HTR2C: variants seen among roughly 807,000 people sequenced by gnomAD.
The protein encoded by HTR2C is 5-hydroxytryptamine receptor 2C, also known as 5-hydroxytryptamine (serotonin) receptor 2C, G protein-coupled.
Under a neutral mutation model 21.0 loss-of-function variants are expected in HTR2C, and 5 were observed. The observed-to-expected ratio is 0.24, with a 90% CI of 0.12 to 0.50. The LOEUF (loss-of-function observed/expected upper bound fraction) is 0.50, where lower values mean the gene tolerates loss of function less well. Among genes scored for constraint, HTR2C ranks in the 20% least tolerant of loss-of-function variants. The pLI is 0.98. For missense variants in HTR2C, 271 were observed against 371.2 expected (o/e 0.73, Z 2.22); for synonymous variants, 150 against 145.3 (o/e 1.03, Z -0.23).
At chrX:114,718,699 A>G (rs1395631964) in intron 2 of HTR2C, among the ~76,000 whole-genome samples, 1 of 109,848 alleles carries the variant, frequency 9.1e-6, no homozygotes, top group Non-Finnish European at 1.9e-5. Context: ...GAAAGGATTG[A>G]GAGATTGGTC....
intron 2 of HTR2C, among the ~76,000 whole-genome samples, chrX:114,718,924 TTA>T (rs1191449664): frequency 4.5e-4 from 46 of 101,428 alleles, no homozygotes; most frequent in African/African-American, 9.6e-4. Flanking sequence ...TTTTATATAA[TTA>T]TATATATAAT....
intron 2 of HTR2C, among the ~76,000 whole-genome samples, chrX:114,650,997 T>G (rs944225162): frequency 1.8e-5 from 2 of 111,887 alleles, no homozygotes; most frequent in Non-Finnish European, 3.8e-5. Flanking sequence ...TTATATTTGC[T>G]CACTTCTTGC....
intron 2 of HTR2C, among the ~76,000 whole-genome samples, chrX:114,725,333 C>T (rs2147338567): frequency 8.9e-6 from 1 of 111,995 alleles, no homozygotes; most frequent in South Asian, 3.7e-4. Flanking sequence ...CTGCATTCTT[C>T]ACGTAGTTCT....
At chrX:114,836,595 G>A (rs1177725088) in intron 4 of HTR2C, among the ~76,000 whole-genome samples, 7 of 111,667 alleles carry the variant, frequency 6.3e-5, no homozygotes, top group Non-Finnish European at 1.1e-4. Context: ...ACTGACCTGC[G>A]CCCACTGTCT....
At chrX:114,753,004 A>G (rs1461646850) in intron 4 of HTR2C, among the ~76,000 whole-genome samples, 4 of 111,370 alleles carry the variant, frequency 3.6e-5, no homozygotes, top group African/African-American at 6.5e-5. Context: ...AAATACCCTT[A>G]TAAATAATTT....
intron 5 of HTR2C, among the ~76,000 whole-genome samples, chrX:114,905,622 A>G (rs1310451750): frequency 3.6e-5 from 4 of 111,714 alleles, no homozygotes. Flanking sequence ...AACCCCACAA[A>G]TACAATCTGA....
At chrX:114,772,230 A>G (rs1477253977) in intron 4 of HTR2C, among the ~76,000 whole-genome samples, 4 of 112,343 alleles carry the variant, frequency 3.6e-5, no homozygotes, top group Non-Finnish European at 7.5e-5. Context: ...TTCTGTTCTC[A>G]TAAGTACTTC....
intron 4 of HTR2C, among the ~76,000 whole-genome samples, chrX:114,747,852 A>C (rs2069721185): frequency 8.9e-6 from 1 of 112,336 alleles, no homozygotes; most frequent in African/African-American, 3.2e-5. Context: ...TGAACATAGA[A>C]GTGGATTTTT....
chrX:114,641,031 C>CCTTT (rs78437727), intron 2 of HTR2C, among the ~76,000 whole-genome samples: 13 of 84,095 alleles, frequency 1.5e-4, no homozygotes, highest in Middle Eastern at 5.9e-3. Flanking sequence ...TTTCTTTCTT[C>CCTTT]CTTTCTTTCT....
At position 114,776,335 on chromosome X, in the gene HTR2C, T is replaced by C. The variant is rs1190083162; in HGVS notation, c.349+44728T>C. ...GATGCTGAGAGTTATTAAAGTAAGC[T>C]GGCACTGTGACCACAGCATTGGTAA... On this transcript the variant is annotated intron_variant, in intron 4 of 5. Coordinates refer to ENST00000276198, the MANE Select transcript of HTR2C (RefSeq NM_000868.4). 4 of 717,591 alleles carry C rather than the reference T, an allele frequency of 5.6e-6. No homozygotes were observed. The African/African-American group carries it at 8.4e-5, about 15-fold the overall frequency. The allele number at this position is 717,591 out of a possible 1,213,427, so 59.1% of individuals were successfully genotyped here.
chrX:114,858,635 A>G (rs1480192770), intron 5 of HTR2C, among the ~76,000 whole-genome samples: 2 of 111,708 alleles, frequency 1.8e-5, no homozygotes, highest in African/African-American at 6.5e-5. Flanking sequence ...CTTGTGAATG[A>G]CGACAGATGT....
intron 2 of HTR2C, among the ~76,000 whole-genome samples, chrX:114,677,433 T>G (rs1556412933): frequency 9.0e-6 from 1 of 111,187 alleles, no homozygotes; most frequent in East Asian, 2.8e-4. Context: ...ATTAGTTTTT[T>G]TTTTCTTCTT....
chrX:114,699,909 C>T (rs782090949), intron 2 of HTR2C, among the ~76,000 whole-genome samples: 1 of 112,145 alleles, frequency 8.9e-6, no homozygotes, highest in Admixed American at 9.5e-5. Context: ...TACTCATTAA[C>T]ATCAAAAGTT....
intron 2 of HTR2C, among the ~76,000 whole-genome samples, chrX:114,648,275 T>C (rs1398029074): frequency 9.0e-6 from 1 of 111,495 alleles, no homozygotes; most frequent in African/African-American, 3.3e-5. Context: ...GAAGATCTTA[T>C]GACTTGCTTC....
At chrX:114,728,032 AATT>A (rs1406582798) in intron 3 of HTR2C, among the ~76,000 whole-genome samples, 29 of 112,279 alleles carry the variant, frequency 2.6e-4, no homozygotes, top group South Asian at 7.3e-4. Flanking sequence ...AAGGGCACCA[AATT>A]ATTCTGCTAT....
At chrX:114,677,502 G>A (rs1245563136) in intron 2 of HTR2C, among the ~76,000 whole-genome samples, 2 of 110,484 alleles carry the variant, frequency 1.8e-5, no homozygotes, top group Non-Finnish European at 3.8e-5. Context: ...AAATGATGAA[G>A]CACTTACTAG....
At chrX:114,679,192 T>C (rs1218031613) in intron 2 of HTR2C, among the ~76,000 whole-genome samples, 1 of 111,672 alleles carries the variant, frequency 9.0e-6, no homozygotes, top group Non-Finnish European at 1.9e-5. Context: ...GGGGTTGTTA[T>C]ATACTTTGCT....
chrX:114,776,785 C>T (rs1420223500), intron 4 of HTR2C: 9 of 306,251 alleles, frequency 2.9e-5, no homozygotes, highest in Middle Eastern at 5.0e-4. Context: ...TGGTTGCTGG[C>T]GTGTAGGGCC....
chrX:114,707,648 C>A (rs1408362527), intron 2 of HTR2C, among the ~76,000 whole-genome samples: 1 of 110,715 alleles, frequency 9.0e-6, no homozygotes, highest in Non-Finnish European at 1.9e-5. Flanking sequence ...GAACCTGCAA[C>A]TATTTCTTCA....
Sources: allele counts gnomAD v4.1 joint callset (sites outside exome capture counted in the v4.1 genomes callset), GRCh38; gene constraint gnomAD v4.1.1; transcripts MANE v1.5; gene names NCBI Gene and HGNC (gene_info 2026-07-23, HGNC 2026-07-21).